The following PCSK7 variants were observed in gnomAD, a reference collection of about 807,000 sequenced individuals.
PCSK7 encodes the protein lymphoma proprotein convertase.
In PCSK7, 38 loss-of-function variants were observed where a neutral mutation model predicts 73.3. That is an observed-to-expected ratio of 0.52 (90% CI 0.40 to 0.68). PCSK7 has a LOEUF of 0.68. Ranked by LOEUF, PCSK7 falls within the 30% of genes least tolerant of loss-of-function variation. PCSK7 has a pLI of 0.00. For missense variants in PCSK7, 692 were observed against 991.5 expected (o/e 0.70, Z 4.06); for synonymous variants, 296 against 383.8 (o/e 0.77, Z 2.68).
chr11:117,215,399 T>C (rs1328808497), intron 12 of PCSK7: 6 of 84,090 alleles, frequency 7.1e-5, no homozygotes, highest in Non-Finnish European at 1.2e-4. Flanking sequence ...TATATATATA[T>C]ATATATACTT....
At chr11:117,213,766 A>G (rs1329266694) in intron 12 of PCSK7, 1 of 152,178 alleles carries the variant, frequency 6.6e-6, no homozygotes, top group Non-Finnish European at 1.5e-5. Flanking sequence ...TGAGTACACT[A>G]GAACTCTCTC....
intron 4 of PCSK7, 85 bp downstream of exon 4, chr11:117,228,131 C>T: frequency 7.3e-7 from 1 of 1,377,082 alleles, no homozygotes; most frequent in Non-Finnish European, 1.0e-6. Flanking sequence ...GCCCAAAGAC[C>T]TCTAGAAAAG....
chr11:117,229,803 G>C lies in PCSK7; in HGVS notation c.42C>G (p.Pro14=), dbSNP rs761984909. 48 of 1,598,734 alleles carry C rather than the reference G, an allele frequency of 3.0e-5. No individual in the cohort carries two copies. The highest frequency in any genetic ancestry group is 4.1e-5 in the Non-Finnish European group (48 of 1,171,762). Residue 14 remains proline, a synonymous_variant, in exon 3 of 17, where the codon CCC becomes CCG. Transcript: ENST00000320934. Reference sequence around the variant, plus strand: ...GCCAGAGGCAGGTGGGCAGGCCCAGGGGGGCATCCAAGTGTGGCACTTTCT... The same window carrying C: ...GCCAGAGGCAGGTGGGCAGGCCCAGCGGGGCATCCAAGTGTGGCACTTTCT... ...GRQKVPHLDA[P]LGLPTCLWLE...
At chr11:117,223,167 T>C (rs1304627893) in intron 9 of PCSK7, 41 bp downstream of exon 9, 2 of 1,162,304 alleles carry the variant, frequency 1.7e-6, no homozygotes, top group South Asian at 1.2e-5. Flanking sequence ...TGAAGTCTTG[T>C]GGGAAAGGGG....
intron 12 of PCSK7, chr11:117,215,715 T>G (rs236913): frequency 1.8e-5 from 2 of 108,110 alleles, no homozygotes; most frequent in Non-Finnish European, 4.2e-5. Flanking sequence ...TTTGTATCGT[T>G]TTTTTTTTTT....
rs746668982 is a variant in PCSK7, at chr11:117,219,158, C to T, written c.1330G>A (p.Asp444Asn). 6.2e-7 allele frequency: 1 copy of T among 1,607,346 alleles called. No homozygotes were observed. Among genetic ancestry groups the T allele is most frequent in the Non-Finnish European group, 8.5e-7 (1 of 1,177,538 alleles). ...IIVFTATRYE[D>N]RRAEWVTNEA... ...TTGGTGACCCACTCTGCACGGCGAT[C>T]CTCATACTGAAAGGACAGAGGTCCT... Residue 444 changes from aspartate (D) to asparagine (N), a missense_variant, in exon 11 of 17, where the codon GAT (aspartate) becomes AAT (asparagine). Physicochemically the swap from Asp to Asn is conservative, Grantham distance 23 (BLOSUM62 1). This residue lies in a region of PCSK7 where 574 missense variants were observed against 689.8 expected (regional missense o/e 0.83). Transcript: ENST00000320934.
In PCSK7 at chr11:117,229,527, C is replaced by T. The variant is rs368541023; in HGVS notation, c.318G>A (p.Pro106=). The T allele has an allele frequency of 1.2e-5, 19 of 1,613,012 alleles. No individual in the cohort carries two copies. Among genetic ancestry groups the T allele is most frequent in the South Asian group, 6.6e-5 (6 of 91,092 alleles). ...GCCGGATGGCCTCCACCTCCAGGGC[C>T]GGCCTGTGCCCAGCAGGCTGGACAA... The part of the protein sequence containing the change: ...YLFVQPAGHR[P]ALEVEAIRQQ... The change falls in exon 3 of 17, where the codon CCG becomes CCA. Residue 106 remains proline, a synonymous_variant. Transcript: ENST00000320934.
At chr11:117,212,669 C>G (rs1473367356) in intron 12 of PCSK7, 1 of 151,694 alleles carries the variant, frequency 6.6e-6, no homozygotes. Flanking sequence ...CCTTGGCCTC[C>G]CAACGTGCTG....
Position 117,228,262 on chromosome 11 carries a change from A to G in PCSK7, c.557T>C (p.Val186Ala). Residue 186 changes from valine to alanine, a missense_variant, in exon 4 of 17, where the codon GTG becomes GCG. Physicochemically the swap from Val to Ala is moderately conservative, Grantham distance 64. Coordinates refer to ENST00000320934, the MANE Select transcript of PCSK7 (RefSeq NM_004716.4). The part of the protein sequence containing the change: ...VTGRGVTVVV[V>A]DDGVEHTIQD... ...GATGGTGTGTTCCACTCCGTCATCCACTACCACCACCGTCACCCCTCGCCC... is the reference window on the plus strand; with the variant it reads ...GATGGTGTGTTCCACTCCGTCATCCGCTACCACCACCGTCACCCCTCGCCC... 6.2e-7 allele frequency: 1 copy of G among 1,613,714 alleles called. No homozygotes were observed. The highest frequency in any genetic ancestry group is 8.5e-7 in the Non-Finnish European group (1 of 1,179,812).
Position 117,205,490 on chromosome 11 carries a change from G to A in PCSK7, c.*507C>T. ...GTGAAGGAGCCAGGGGTTCATTCAT[G>A]GTTGGTTTCTGATCAGGCATCTTGG... On this transcript the variant is annotated 3_prime_UTR_variant, in exon 17 of 17. Coordinates refer to ENST00000320934, the MANE Select transcript of PCSK7 (RefSeq NM_004716.4). 4.3e-6 allele frequency: 1 copy of A among 234,320 alleles called. No individual in the cohort carries two copies. The highest frequency in any genetic ancestry group is 6.0e-5 in the East Asian group (1 of 16,606). The allele number at this position is 234,320 out of a possible 1,614,324, so 14.5% of individuals were successfully genotyped here.
At chr11:117,224,662 G>A (rs184370965) in intron 7 of PCSK7, 39 bp downstream of exon 7, 3 of 1,516,666 alleles carry the variant, frequency 2.0e-6, no homozygotes, top group East Asian at 2.2e-5. Flanking sequence ...GTATGAAGAG[G>A]GCATCCCGTT....
intron 8 of PCSK7, 105 bp from the exon 9 acceptor site, chr11:117,223,413 T>A: frequency 1.4e-6 from 1 of 735,296 alleles, no homozygotes; most frequent in Non-Finnish European, 2.4e-6. Context: ...GGGGCTGTCC[T>A]GAGTTTGAAA....
chr11:117,226,750 A>T (rs181458744), intron 5 of PCSK7: 25 of 171,396 alleles, frequency 1.5e-4, no homozygotes, highest in Non-Finnish European at 2.8e-4. Flanking sequence ...TGAGTGTGAA[A>T]GAACCACAGA....
chr11:117,219,771 C>T lies in PCSK7; in HGVS notation c.1156-13G>A. 6.4e-7 allele frequency: 1 copy of T among 1,566,704 alleles called. No individual in the cohort carries two copies. Among genetic ancestry groups the T allele is most frequent in the Non-Finnish European group, 8.6e-7 (1 of 1,156,518 alleles). Reference sequence around the variant, plus strand: ...AGTCAGTGGTCACCTGGAAGTGAAACAGGAAAAGGAAGTAGGTTAGAGACT... The same window carrying T: ...AGTCAGTGGTCACCTGGAAGTGAAATAGGAAAAGGAAGTAGGTTAGAGACT... On this transcript the variant is annotated splice_polypyrimidine_tract_variant and intron_variant, in intron 9 of 16. Coordinates refer to ENST00000320934, the MANE Select transcript of PCSK7 (RefSeq NM_004716.4).
intron 1 of PCSK7, among the ~76,000 whole-genome samples, chr11:117,231,591 A>G (rs2509209): frequency 0.32 from 48,762 of 152,056 alleles, 8,242 homozygotes; most frequent in East Asian, 0.52. Context: ...CAGCATTTTT[A>G]TCCCCCAGGC....
At chr11:117,223,849 G>A (rs1402864759) in intron 8 of PCSK7, 7 of 540,418 alleles carry the variant, frequency 1.3e-5, no homozygotes, top group Non-Finnish European at 2.0e-5. Flanking sequence ...CAGCTGTGGT[G>A]GGGTGGAGGC....
rs936945579 is a variant in PCSK7 at position 117,218,832 on chromosome 11, G to A, written c.1431+225C>T. 1.7e-6 allele frequency: 1 copy of A among 578,278 alleles called. No homozygotes were observed. 35.8% of individuals were successfully genotyped at this position (578,278 alleles called of 1,614,324 possible). A position where few individuals can be genotyped will look rare whatever the true frequency, so the allele number is the denominator to read the frequency against. On this transcript the variant is annotated intron_variant, in intron 11 of 16. Coordinates refer to ENST00000320934, the MANE Select transcript of PCSK7 (RefSeq NM_004716.4). The surrounding 1 kb of genome is among the most constrained non-coding windows in gnomAD (Gnocchi z 4.0). ...GCATCCTGAGTCCCACACATACTCA[G>A]GTCCCATTTACTCTATTAGTAGTTT...
intron 10 of PCSK7, 78 bp downstream of exon 10, chr11:117,219,513 T>C: frequency 7.4e-7 from 1 of 1,354,794 alleles, no homozygotes; most frequent in Admixed American, 2.2e-5. Context: ...TTTGGGACAT[T>C]GAGAATCTAA....
intron 5 of PCSK7, chr11:117,226,496 AATATAT>A (rs1321553169): frequency 6.2e-6 from 1 of 162,298 alleles, no homozygotes; most frequent in East Asian, 1.7e-4. Flanking sequence ...CCACCAAAAA[AATATAT>A]ATATAGAGAG....
Sources: allele counts gnomAD v4.1 joint callset (sites outside exome capture counted in the v4.1 genomes callset), GRCh38; gene constraint gnomAD v4.1.1; regional missense constraint gnomAD v4.1.1; non-coding constraint Gnocchi (gnomAD v3.1); transcripts MANE v1.5; gene names NCBI Gene and HGNC (gene_info 2026-07-23, HGNC 2026-07-21).